The following ARB2A variants were observed in gnomAD, a reference collection of about 807,000 sequenced individuals.
ARB2A encodes cotranscriptional regulator ARB2A.
chr5:93,892,092 C>CA, the ARB2A span, among the ~76,000 whole-genome samples: 1 of 152,300 alleles, frequency 6.6e-6, no homozygotes, highest in African/African-American at 2.4e-5. Context: ...AACAGAAACT[C>CA]AGAGGCAGAG....
chr5:93,812,419 G>A, the ARB2A span, among the ~76,000 whole-genome samples: 31 of 152,108 alleles, frequency 2.0e-4, 1 homozygote, highest in Middle Eastern at 0.014. Flanking sequence ...CTTTGTTGTC[G>A]GCAGACAGGC....
the ARB2A span, among the ~76,000 whole-genome samples, chr5:94,000,083 A>C: frequency 2.0e-5 from 3 of 152,062 alleles, no homozygotes; most frequent in African/African-American, 7.2e-5. Context: ...ACCATCTTGG[A>C]TGCTTCCAAG....
At chr5:93,825,639 T>C in the ARB2A span, among the ~76,000 whole-genome samples, 4 of 152,282 alleles carry the variant, frequency 2.6e-5, no homozygotes, top group African/African-American at 9.6e-5. Context: ...TAAGAGTTTA[T>C]TTTGGTGCAA....
At chr5:93,627,674 T>A in the ARB2A span, among the ~76,000 whole-genome samples, 3 of 152,116 alleles carry the variant, frequency 2.0e-5, no homozygotes, top group Admixed American at 2.0e-4. Flanking sequence ...ACTCCTGACC[T>A]CGTGATCTGC....
chr5:93,784,816 T>C, the ARB2A span, among the ~76,000 whole-genome samples: 1 of 152,210 alleles, frequency 6.6e-6, no homozygotes, highest in Admixed American at 6.5e-5. Context: ...TACAAGTTTC[T>C]TCCACCACTT....
the ARB2A span, chr5:93,964,660 GA>G: frequency 1.9e-6 from 1 of 530,534 alleles, no homozygotes; most frequent in East Asian, 3.1e-5. Context: ...ACTATATTAA[GA>G]GACTCCTAAT....
chr5:93,652,799 G>A, the ARB2A span, among the ~76,000 whole-genome samples: 1 of 152,166 alleles, frequency 6.6e-6, no homozygotes, highest in South Asian at 2.1e-4. Context: ...TTTGACCAAT[G>A]AGTTTCTCCT....
At chr5:94,010,162 T>C in the ARB2A span, among the ~76,000 whole-genome samples, 1 of 152,192 alleles carries the variant, frequency 6.6e-6, no homozygotes, top group East Asian at 1.9e-4. Context: ...ACCTTTCTAC[T>C]TTTTTAATAA....
the ARB2A span, among the ~76,000 whole-genome samples, chr5:93,658,616 C>G: frequency 6.6e-6 from 1 of 152,034 alleles, no homozygotes; most frequent in Non-Finnish European, 1.5e-5. Context: ...AATCATTTCA[C>G]AAATAATTGT....
chr5:93,819,804 T>C, the ARB2A span, among the ~76,000 whole-genome samples: 17 of 152,352 alleles, frequency 1.1e-4, no homozygotes, highest in Non-Finnish European at 2.2e-4. Context: ...TGCAGCTATG[T>C]CCAAAACCAG....
At chr5:94,053,473 A>C in the ARB2A span, among the ~76,000 whole-genome samples, 1 of 152,152 alleles carries the variant, frequency 6.6e-6, no homozygotes, top group Non-Finnish European at 1.5e-5. Flanking sequence ...CATTATATTT[A>C]ACTTCTTCCC....
the ARB2A span, chr5:94,074,802 A>G: frequency 7.0e-7 from 1 of 1,433,298 alleles, no homozygotes; most frequent in Non-Finnish European, 9.7e-7. Flanking sequence ...ATTAAGTTCT[A>G]CTCAAAACCT....
At chr5:94,080,546 G>C in the ARB2A span, among the ~76,000 whole-genome samples, 1 of 152,170 alleles carries the variant, frequency 6.6e-6, no homozygotes, top group Non-Finnish European at 1.5e-5. Flanking sequence ...CTCAGCTAGA[G>C]AGTGCAGTTA....
the ARB2A span, among the ~76,000 whole-genome samples, chr5:94,009,937 C>T: frequency 6.7e-6 from 1 of 149,942 alleles, no homozygotes; most frequent in Non-Finnish European, 1.5e-5. Context: ...TTTTTTTAAC[C>T]CAATTAGTCT....
At chr5:93,660,785 T>C in the ARB2A span, among the ~76,000 whole-genome samples, 1 of 152,026 alleles carries the variant, frequency 6.6e-6, no homozygotes, top group Admixed American at 6.6e-5. Flanking sequence ...AGGAAGAGAC[T>C]GAACTAAGAT....
the ARB2A span, among the ~76,000 whole-genome samples, chr5:93,970,725 T>C: frequency 1.3e-5 from 2 of 152,184 alleles, no homozygotes; most frequent in Non-Finnish European, 2.9e-5. Context: ...TAAGTGATAA[T>C]AACACTCTGT....
the ARB2A span, among the ~76,000 whole-genome samples, chr5:93,986,122 G>A: frequency 6.6e-6 from 1 of 150,404 alleles, no homozygotes; most frequent in Non-Finnish European, 1.5e-5. Context: ...CCCCGTCTGG[G>A]AGGTGAGGAG....
At chr5:93,881,832 TA>T in the ARB2A span, 4 of 430,568 alleles carry the variant, frequency 9.3e-6, no homozygotes, top group South Asian at 3.8e-4. Context: ...ATAATGATTT[TA>T]TTTTTTTCAA....
At chr5:93,757,672 T>C in the ARB2A span, among the ~76,000 whole-genome samples, 1 of 152,130 alleles carries the variant, frequency 6.6e-6, no homozygotes, top group African/African-American at 2.4e-5. Context: ...AGACAAATGC[T>C]GACAGAATTC....
Sources: allele counts gnomAD v4.1 joint callset (sites outside exome capture counted in the v4.1 genomes callset), GRCh38; gene constraint gnomAD v4.1.1; transcripts MANE v1.5; gene names NCBI Gene and HGNC (gene_info 2026-07-23, HGNC 2026-07-21).